Variants in SLC24A2 observed in about 807,000 individuals in gnomAD.
The protein encoded by SLC24A2 is solute carrier family 24 member 2.
Under a neutral mutation model 62.0 loss-of-function variants are expected in SLC24A2, and 36 were observed. That is an observed-to-expected ratio of 0.58 (90% CI 0.44 to 0.77). SLC24A2 has a LOEUF of 0.77. Ranked by LOEUF, SLC24A2 falls within the 30% of genes least tolerant of loss-of-function variation. The probability of loss-of-function intolerance (pLI) is 0.00; values close to 1 mark genes in which losing one functional copy is unlikely to be tolerated. For synonymous variants in SLC24A2, 358 were observed against 294.0 expected (o/e 1.22, Z -2.23); for missense variants, 846 against 817.9 (o/e 1.03, Z -0.42).
the SLC24A2 span, among the ~76,000 whole-genome samples, chr9:20,083,676 G>C: frequency 1.3e-4 from 20 of 152,186 alleles, no homozygotes; most frequent in Non-Finnish European, 2.6e-4. Flanking sequence ...GGATTATTAA[G>C]CTCATATTTG....
chr9:20,049,640 G>GATAA, the SLC24A2 span, among the ~76,000 whole-genome samples: 1 of 152,036 alleles, frequency 6.6e-6, no homozygotes, highest in African/African-American at 2.4e-5. Context: ...TAACAAAGAT[G>GATAA]ACAAATATGT....
chr9:19,695,514 A>G (rs543638480), intron 2 of SLC24A2, among the ~76,000 whole-genome samples: 9 of 152,118 alleles, frequency 5.9e-5, no homozygotes, highest in Non-Finnish European at 1.2e-4. Context: ...ACTGTAATTG[A>G]TACAACCCAA....
chr9:19,966,211 G>T, the SLC24A2 span, among the ~76,000 whole-genome samples: 7 of 152,210 alleles, frequency 4.6e-5, no homozygotes, highest in East Asian at 1.4e-3. Context: ...AATCAAACAG[G>T]ATATTTTTGT....
intron 2 of SLC24A2, among the ~76,000 whole-genome samples, chr9:19,720,697 C>CT (rs1458034263): frequency 1.2e-5 from 1 of 84,308 alleles, no homozygotes; most frequent in South Asian, 4.3e-4. Context: ...CAACCCCCCC[C>CT]CCCAAAAAAA....
At chr9:20,248,362 T>C in the SLC24A2 span, among the ~76,000 whole-genome samples, 1 of 152,214 alleles carries the variant, frequency 6.6e-6, no homozygotes, top group Non-Finnish European at 1.5e-5. Flanking sequence ...CTATCACAAA[T>C]ATGCCATAAG....
the SLC24A2 span, among the ~76,000 whole-genome samples, chr9:19,852,957 G>A: frequency 0.011 from 1,726 of 152,178 alleles, 22 homozygotes; most frequent in Non-Finnish European, 0.017. Flanking sequence ...AGCATGGAGC[G>A]TTTTTCCATT....
the SLC24A2 span, among the ~76,000 whole-genome samples, chr9:20,148,493 C>T: frequency 2.0e-5 from 3 of 152,022 alleles, no homozygotes; most frequent in Admixed American, 1.3e-4. Context: ...GTTATGACTA[C>T]TTTAAAAGAA....
the SLC24A2 span, among the ~76,000 whole-genome samples, chr9:19,937,402 T>A: frequency 3.3e-5 from 5 of 152,228 alleles, no homozygotes; most frequent in African/African-American, 1.2e-4. Context: ...ATTGCTGGTG[T>A]CACACTCAAG....
the SLC24A2 span, among the ~76,000 whole-genome samples, chr9:20,274,641 A>C: frequency 6.6e-6 from 1 of 152,094 alleles, no homozygotes; most frequent in South Asian, 2.1e-4. Context: ...CAGAGATGTG[A>C]AGGGAACACT....
At chr9:19,614,470 A>G (rs1463099170) in intron 4 of SLC24A2, among the ~76,000 whole-genome samples, 1 of 152,202 alleles carries the variant, frequency 6.6e-6, no homozygotes, top group Non-Finnish European at 1.5e-5. Context: ...TGAACAGTGG[A>G]ACCAATAAAC....
the SLC24A2 span, among the ~76,000 whole-genome samples, chr9:19,973,924 T>C: frequency 4.6e-5 from 7 of 152,192 alleles, no homozygotes; most frequent in Non-Finnish European, 7.4e-5. Flanking sequence ...TGTTTCCCTA[T>C]AGAAAAAGTG....
chr9:20,132,122 A>T, the SLC24A2 span, among the ~76,000 whole-genome samples: 2 of 152,102 alleles, frequency 1.3e-5, no homozygotes, highest in East Asian at 3.9e-4. Flanking sequence ...ACCAGTTAGC[A>T]GTTGAACTTT....
At chr9:20,169,879 T>C in the SLC24A2 span, among the ~76,000 whole-genome samples, 150,509 of 152,096 alleles carry the variant, frequency 0.99, 74,484 homozygotes, top group East Asian at 1. Context: ...AGTTATTAGG[T>C]AAAACAAGGA....
chr9:20,072,227 G>A, the SLC24A2 span, among the ~76,000 whole-genome samples: 3 of 152,226 alleles, frequency 2.0e-5, no homozygotes, highest in Admixed American at 6.5e-5. Flanking sequence ...ACCCAGCAAC[G>A]CCTATCTGTT....
intron 4 of SLC24A2, among the ~76,000 whole-genome samples, chr9:19,609,577 C>T (rs973956512): frequency 6.6e-6 from 1 of 152,118 alleles, no homozygotes; most frequent in African/African-American, 2.4e-5. Flanking sequence ...CTTTTATGTT[C>T]TTCAGAAATG....
chr9:19,876,132 T>G, the SLC24A2 span, among the ~76,000 whole-genome samples: 1 of 152,158 alleles, frequency 6.6e-6, no homozygotes, highest in African/African-American at 2.4e-5. Context: ...ATATTATGCT[T>G]CTTGAATATT....
At chr9:19,959,529 C>G in the SLC24A2 span, among the ~76,000 whole-genome samples, 3 of 152,338 alleles carry the variant, frequency 2.0e-5, no homozygotes, top group African/African-American at 7.2e-5. Flanking sequence ...TTTGAAAACT[C>G]TTACTGTATC....
chr9:19,881,250 AG>A, the SLC24A2 span, among the ~76,000 whole-genome samples: 1 of 152,162 alleles, frequency 6.6e-6, no homozygotes, highest in African/African-American at 2.4e-5. Context: ...TTGTAGGAGG[AG>A]GGGAAGAGAC....
intron 2 of SLC24A2, among the ~76,000 whole-genome samples, chr9:19,665,558 C>T (rs1027555683): frequency 1.3e-5 from 2 of 152,060 alleles, no homozygotes; most frequent in Non-Finnish European, 2.9e-5. Context: ...ATATGTATTG[C>T]CTGTAATGCA....
Sources: gnomAD v4.1 joint callset for allele counts (sites outside exome capture counted in the v4.1 genomes callset) on GRCh38, gnomAD v4.1.1 for gene constraint, MANE v1.5 for transcripts, NCBI Gene and HGNC (gene_info 2026-07-23, HGNC 2026-07-21) for gene names.